The following NEK11 variants were observed in gnomAD, a reference collection of about 807,000 sequenced individuals.
NEK11 encodes serine/threonine-protein kinase Nek11.
In NEK11, 72 loss-of-function variants were observed where a neutral mutation model predicts 80.7. The observed-to-expected ratio is 0.89, with a 90% CI of 0.74 to 1.08. NEK11 has a LOEUF of 1.08. Ranked by LOEUF, NEK11 falls within the 50% of genes least tolerant of loss-of-function variation. NEK11 has a pLI of 0.00. For synonymous variants in NEK11, 251 were observed against 260.7 expected, an observed-to-expected ratio of 0.96 and a Z score of 0.36; for missense variants, 764 against 763.6, an observed-to-expected ratio of 1.00 and a Z score of -0.01.
chr3:131,284,535 T>C (rs2096446805), intron 17 of NEK11, among the ~76,000 whole-genome samples: 1 of 152,178 alleles, frequency 6.6e-6, no homozygotes, highest in Non-Finnish European at 1.5e-5. Flanking sequence ...TTTATTGGAT[T>C]GAAGGATGCA....
intron 16 of NEK11, among the ~76,000 whole-genome samples, chr3:131,267,098 G>A (rs1359669350): frequency 2.0e-5 from 3 of 151,994 alleles, no homozygotes; most frequent in African/African-American, 7.2e-5. Context: ...ATGTGAGATG[G>A]GTCTCCTGAA....
At chr3:131,283,970 C>T (rs1037758797) in intron 17 of NEK11, among the ~76,000 whole-genome samples, 1 of 152,140 alleles carries the variant, frequency 6.6e-6, no homozygotes, top group African/African-American at 2.4e-5. Flanking sequence ...TAATTGAATT[C>T]TTCTTGAGAG....
chr3:131,287,014 GA>G (rs754586860), intron 17 of NEK11, among the ~76,000 whole-genome samples: 4 of 152,164 alleles, frequency 2.6e-5, no homozygotes, highest in South Asian at 2.1e-4. Flanking sequence ...CAAAACCTTA[GA>G]AAAACTGGAA....
intron 10 of NEK11, among the ~76,000 whole-genome samples, chr3:131,159,022 G>A (rs553693996): frequency 6.6e-6 from 1 of 152,224 alleles, no homozygotes; most frequent in Non-Finnish European, 1.5e-5. Flanking sequence ...GGAGCTGGGA[G>A]CTGAGCACTG....
intron 16 of NEK11, among the ~76,000 whole-genome samples, chr3:131,247,619 T>C (rs562375980): frequency 3.0e-4 from 45 of 152,114 alleles, no homozygotes; most frequent in Admixed American, 5.2e-4. Context: ...TCTTTTTTGG[T>C]TTCATATGAA....
intron 13 of NEK11, among the ~76,000 whole-genome samples, chr3:131,170,529 A>G (rs2092617545): frequency 6.6e-6 from 1 of 152,144 alleles, no homozygotes; most frequent in Non-Finnish European, 1.5e-5. Context: ...CACTTGGCTT[A>G]TCTAGTCATG....
intron 7 of NEK11, among the ~76,000 whole-genome samples, chr3:131,135,856 A>T (rs1002796527): frequency 6.6e-6 from 1 of 152,148 alleles, no homozygotes; most frequent in African/African-American, 2.4e-5. Flanking sequence ...ACAGGCAGCT[A>T]TATCTGCTTT....
rs116192479 is a variant in NEK11, at chr3:131,290,755, A to G, written c.1718+17181A>G. Among the ~76,000 whole-genome samples the G allele has an allele frequency of 9.2e-3, 1,400 of 152,324 alleles. 15 individuals are homozygous for G. The highest frequency in any genetic ancestry group is 0.03 in the African/African-American group (1,249 of 41,554). On this transcript the variant is annotated intron_variant, in intron 17 of 17. Coordinates refer to ENST00000383366, the MANE Select transcript of NEK11 (RefSeq NM_024800.5). ...TAAGATCAGATAACTGCCTACTGGA[A>G]AAATCAAGATCTTCCCTTTCTTTTT...
intron 4 of NEK11, among the ~76,000 whole-genome samples, chr3:131,102,314 C>A (rs1319339840): frequency 6.6e-6 from 1 of 152,122 alleles, no homozygotes; most frequent in Non-Finnish European, 1.5e-5. Context: ...TAGCAGGTGC[C>A]ATTCTTTCAA....
chr3:131,233,034 A>AAGGAAGGAAGGT (rs1553954015), intron 15 of NEK11, among the ~76,000 whole-genome samples: 42 of 140,630 alleles, frequency 3.0e-4, no homozygotes, highest in East Asian at 2.5e-3. Context: ...GGAAGGAAGG[A>AAGGAAGGAAGGT]AGGTTGGATG....
intron 17 of NEK11, among the ~76,000 whole-genome samples, chr3:131,298,314 A>T (rs1378266700): frequency 1.3e-5 from 2 of 151,540 alleles, no homozygotes; most frequent in African/African-American, 4.9e-5. Context: ...ATGTTCTTCC[A>T]TTTCTTTGTA....
chr3:131,267,745 G>C (rs552967118), intron 16 of NEK11, among the ~76,000 whole-genome samples: 1 of 152,068 alleles, frequency 6.6e-6, no homozygotes, highest in Non-Finnish European at 1.5e-5. Flanking sequence ...TGACGATTGC[G>C]TGTCTCGGGG....
intron 3 of NEK11, among the ~76,000 whole-genome samples, chr3:131,042,669 C>T (rs922553678): frequency 7.9e-5 from 12 of 152,170 alleles, no homozygotes; most frequent in African/African-American, 1.2e-4. Flanking sequence ...GGGGAAGGGG[C>T]GGCTGTGGGT....
intron 4 of NEK11, among the ~76,000 whole-genome samples, chr3:131,108,524 G>A (rs2079553668): frequency 6.6e-6 from 1 of 152,052 alleles, no homozygotes; most frequent in Non-Finnish European, 1.5e-5. Flanking sequence ...ACAGTAAAAT[G>A]GATCAGGTCT....
At chr3:131,133,158 C>T (rs542389446) in intron 6 of NEK11, 1 of 427,036 alleles carries the variant, frequency 2.3e-6, no homozygotes, top group Non-Finnish European at 4.6e-6. Context: ...TTAGTTACTA[C>T]AGGTTTCTCA....
At chr3:131,208,372 T>C (rs1356663000) in intron 14 of NEK11, among the ~76,000 whole-genome samples, 1 of 152,216 alleles carries the variant, frequency 6.6e-6, no homozygotes, top group Admixed American at 6.5e-5. Context: ...TGTAGCCTTG[T>C]ATTATAGTTT....
chr3:131,256,555 G>T (rs960656986), intron 16 of NEK11, among the ~76,000 whole-genome samples: 6 of 152,048 alleles, frequency 3.9e-5, no homozygotes, highest in Non-Finnish European at 7.4e-5. Flanking sequence ...TACCATAAAA[G>T]CTCAATGCCT....
intron 5 of NEK11, among the ~76,000 whole-genome samples, chr3:131,111,160 G>T (rs1351924163): frequency 6.6e-6 from 1 of 152,058 alleles, no homozygotes; most frequent in Non-Finnish European, 1.5e-5. Flanking sequence ...ACTGGAATTT[G>T]GTTGATTTAA....
intron 14 of NEK11, among the ~76,000 whole-genome samples, chr3:131,204,838 G>T (rs1336118894): frequency 4.6e-5 from 7 of 152,018 alleles, no homozygotes; most frequent in Admixed American, 4.6e-4. Flanking sequence ...TTCATTGTTT[G>T]CAGCATGAGG....
Sources: gnomAD v4.1 joint callset for allele counts (sites outside exome capture counted in the v4.1 genomes callset) on GRCh38, gnomAD v4.1.1 for gene constraint, MANE v1.5 for transcripts, NCBI Gene and HGNC (gene_info 2026-07-23, HGNC 2026-07-21) for gene names.